The following PCDH15 variants were observed in gnomAD, a reference collection of about 807,000 sequenced individuals.
PCDH15 encodes the protein protocadherin-15.
A neutral mutation model predicts 178.5 loss-of-function variants in PCDH15; 129 were observed. The observed-to-expected ratio is 0.72, with a 90% CI of 0.63 to 0.84. The LOEUF is 0.84. Ranked by LOEUF, PCDH15 falls within the 40% of genes least tolerant of loss-of-function variation. The probability of loss-of-function intolerance (pLI) is 0.00; values close to 1 mark genes in which losing one functional copy is unlikely to be tolerated. For synonymous variants in PCDH15, 800 were observed against 732.0 expected, an observed-to-expected ratio of 1.09 and a Z score of -1.50; for missense variants, 2,230 against 2,099.9, an observed-to-expected ratio of 1.06 and a Z score of -1.21.
chr10:53,849,875 A>AAAAG (rs2132912526), intron 28 of PCDH15, among the ~76,000 whole-genome samples: 1 of 150,584 alleles, frequency 6.6e-6, no homozygotes, highest in East Asian at 1.9e-4. Flanking sequence ...AAAAAAAAAA[A>AAAAG]AAAAAAAAGA....
chr10:55,282,252 C>G (rs1217022711), intron 1 of PCDH15, among the ~76,000 whole-genome samples: 3 of 152,174 alleles, frequency 2.0e-5, no homozygotes, highest in Non-Finnish European at 4.4e-5. Context: ...CTTCCACACA[C>G]TAAGCCTTTG....
chr10:54,294,257 C>A (rs901797441), intron 8 of PCDH15, among the ~76,000 whole-genome samples: 1 of 149,022 alleles, frequency 6.7e-6, no homozygotes, highest in African/African-American at 2.5e-5. Flanking sequence ...AGTTGGGAAT[C>A]GAACAATGAG....
intron 1 of PCDH15, among the ~76,000 whole-genome samples, chr10:55,176,066 G>A (rs555456268): frequency 7.9e-5 from 12 of 152,000 alleles, no homozygotes; most frequent in Non-Finnish European, 1.0e-4. Context: ...CTCCAGCTCC[G>A]ACGACTCAGA....
At chr10:53,878,185 A>G (rs1040555159) in intron 26 of PCDH15, among the ~76,000 whole-genome samples, 1 of 116,462 alleles carries the variant, frequency 8.6e-6, no homozygotes, top group Non-Finnish European at 1.6e-5. Flanking sequence ...ACTATGGCAC[A>G]CACACACACA....
At chr10:54,632,113 A>G (rs1437825672) in intron 2 of PCDH15, among the ~76,000 whole-genome samples, 3 of 151,522 alleles carry the variant, frequency 2.0e-5, no homozygotes, top group African/African-American at 7.3e-5. Flanking sequence ...AACAAGAATG[A>G]AATCATGTCC....
rs182608323 is a variant in PCDH15, at chr10:55,127,780, G to A, written c.-80+38796C>T. Among the ~76,000 whole-genome samples, 124 of 152,074 alleles carry A rather than the reference G, an allele frequency of 8.2e-4. 1 individual carries two copies. Among genetic ancestry groups the A allele is most frequent in the African/African-American group, 2.7e-3 (112 of 41,522 alleles). ...AGCAATATTTCTTGCAATCATTTAC[G>A]TATAACCTTGGAGACATTCCATTTT... On this transcript the variant is annotated intron_variant, in intron 2 of 5. Coordinates refer to the PCDH15 transcript ENST00000458638.
At chr10:55,417,220 T>C (rs1303193656) in intron 2 of PCDH15, among the ~76,000 whole-genome samples, 1 of 151,812 alleles carries the variant, frequency 6.6e-6, no homozygotes, top group Non-Finnish European at 1.5e-5. Flanking sequence ...GCACTGAAAC[T>C]ACAGCAGCAG....
chr10:55,399,486 A>G (rs2132023096), intron 2 of PCDH15, among the ~76,000 whole-genome samples: 1 of 152,238 alleles, frequency 6.6e-6, no homozygotes, highest in South Asian at 2.1e-4. Flanking sequence ...CAGTTTTTTG[A>G]AGACCAGGAA....
intron 3 of PCDH15, among the ~76,000 whole-genome samples, chr10:54,404,329 A>T (rs1952334588): frequency 6.6e-6 from 1 of 152,014 alleles, no homozygotes; most frequent in Non-Finnish European, 1.5e-5. Context: ...ATGCACATAG[A>T]CCAATGGAAT....
chr10:54,640,193 T>C (rs911662294), intron 2 of PCDH15, among the ~76,000 whole-genome samples: 5 of 152,150 alleles, frequency 3.3e-5, no homozygotes, highest in Non-Finnish European at 5.9e-5. Flanking sequence ...AATTTGATAA[T>C]AAAGTTATTT....
At chr10:55,485,497 C>A (rs546410926) in intron 2 of PCDH15, among the ~76,000 whole-genome samples, 3 of 151,410 alleles carry the variant, frequency 2.0e-5, no homozygotes, top group African/African-American at 7.2e-5. Context: ...ACCAAAAAGA[C>A]AAAAAAATAA....
chr10:54,665,962 T>A (rs1037955127), intron 1 of PCDH15, among the ~76,000 whole-genome samples: 6 of 152,164 alleles, frequency 3.9e-5, no homozygotes, highest in Middle Eastern at 3.4e-3. Flanking sequence ...GCTTTTTTTT[T>A]AAATTCAAGC....
intron 8 of PCDH15, among the ~76,000 whole-genome samples, chr10:54,261,404 T>A (rs1055179272): frequency 2.0e-5 from 3 of 151,804 alleles, no homozygotes; most frequent in African/African-American, 7.2e-5. Context: ...ATACTTCAAA[T>A]AGATAAGAAA....
chr10:54,091,008 C>T (rs994390643), intron 15 of PCDH15, among the ~76,000 whole-genome samples: 2 of 152,050 alleles, frequency 1.3e-5, no homozygotes, highest in Admixed American at 6.6e-5. Context: ...CCTTCAACAC[C>T]CAAGTCGGAG....
intron 1 of PCDH15, among the ~76,000 whole-genome samples, chr10:55,307,173 T>G (rs554452161): frequency 6.6e-6 from 1 of 152,062 alleles, no homozygotes; most frequent in Non-Finnish European, 1.5e-5. Flanking sequence ...ATATAAGGTA[T>G]ATTTTACATT....
intron 21 of PCDH15, among the ~76,000 whole-genome samples, chr10:53,981,956 C>T: frequency 6.6e-6 from 1 of 151,692 alleles, no homozygotes; most frequent in Admixed American, 6.6e-5. Flanking sequence ...CTACAATGAA[C>T]TCAAACAAAT....
At chr10:54,489,452 A>C (rs547541556) in intron 3 of PCDH15, among the ~76,000 whole-genome samples, 1 of 152,260 alleles carries the variant, frequency 6.6e-6, no homozygotes, top group East Asian at 1.9e-4. Flanking sequence ...TAGTTGTTGG[A>C]TATGCTCCTC....
chr10:54,409,496 C>T (rs1274859775), intron 3 of PCDH15, among the ~76,000 whole-genome samples: 1 of 151,816 alleles, frequency 6.6e-6, no homozygotes, highest in Non-Finnish European at 1.5e-5. Context: ...AGATTCTTTC[C>T]CCAGGGACAT....
chr10:54,707,621 GCCTGCATTTATT>G, intron 1 of PCDH15, among the ~76,000 whole-genome samples: 1 of 152,116 alleles, frequency 6.6e-6, no homozygotes, highest in South Asian at 2.1e-4. Context: ...ACTTTTTGAA[GCCTGCATTTATT>G]TCAAAATAAT....
Sources: gnomAD v4.1 joint callset for allele counts (sites outside exome capture counted in the v4.1 genomes callset) on GRCh38, gnomAD v4.1.1 for gene constraint, MANE v1.5 for transcripts, NCBI Gene and HGNC (gene_info 2026-07-23, HGNC 2026-07-21) for gene names.